The following SENP5 variants were observed in gnomAD, a reference collection of about 807,000 sequenced individuals.
SENP5 encodes SUMO specific peptidase 5.
Under a neutral mutation model 74.2 loss-of-function variants are expected in SENP5, and 21 were observed. The observed-to-expected ratio is 0.28, with a 90% CI of 0.20 to 0.41. The LOEUF (loss-of-function observed/expected upper bound fraction) is 0.41. Among genes scored for constraint, SENP5 ranks in the 10% least tolerant of loss-of-function variants. SENP5 has a pLI of 1.00. For missense variants in SENP5, 717 were observed against 889.1 expected (o/e 0.81, Z 2.46); for synonymous variants, 311 against 312.7 (o/e 0.99, Z 0.06).
intron 6 of SENP5, among the ~76,000 whole-genome samples, chr3:196,913,589 A>T: frequency 6.6e-6 from 1 of 150,444 alleles, no homozygotes; most frequent in Non-Finnish European, 1.5e-5. Flanking sequence ...AACAAAAAAA[A>T]CTAGTAAGAC....
intron 2 of SENP5, among the ~76,000 whole-genome samples, chr3:196,894,898 G>A (rs60110595): frequency 0.22 from 33,649 of 152,160 alleles, 3,840 homozygotes; most frequent in African/African-American, 0.27. Context: ...TTTAGGGACA[G>A]TTGCTTTCAT....
chr3:196,880,965 G>C (rs115403005), intron 1 of SENP5, among the ~76,000 whole-genome samples: 4,275 of 146,476 alleles, frequency 0.029, 210 homozygotes, highest in African/African-American at 0.1. Context: ...TTTTTTTTTT[G>C]AGATAGGACA....
rs1231343422 is a variant in SENP5 at position 196,923,509 on chromosome 3, A to G, written c.1980A>G (p.Ser660=). The change falls in exon 7 of 10, where the codon TCA becomes TCG. Residue 660 remains serine (S), a synonymous_variant. Coordinates refer to ENST00000323460, the MANE Select transcript of SENP5 (RefSeq NM_152699.5). ...ITVTLSNRII[S]FYDSQGIHFK... The stretch of plus-strand genomic sequence containing the variant: ...TGACACTCTCTAATCGAATTATTTC[A>G]TTTTATGATTCCCAAGGCATTCATT... 1 of 1,611,360 alleles carries G rather than the reference A, an allele frequency of 6.2e-7. No individual in the cohort carries two copies. Among genetic ancestry groups the G allele is most frequent in the Admixed American group, 1.7e-5 (1 of 59,882 alleles).
At chr3:196,920,218 A>G (rs926711079) in intron 6 of SENP5, among the ~76,000 whole-genome samples, 2 of 152,020 alleles carry the variant, frequency 1.3e-5, no homozygotes, top group African/African-American at 4.8e-5. Flanking sequence ...CTTTGCATTT[A>G]TTTTTTCTCA....
intron 6 of SENP5, among the ~76,000 whole-genome samples, chr3:196,915,937 G>A (rs962319434): frequency 2.6e-5 from 4 of 152,120 alleles, no homozygotes; most frequent in African/African-American, 9.7e-5. Flanking sequence ...GCCTTCTCAA[G>A]AAGGACAGAT....
chr3:196,926,811 G>T lies in SENP5; in HGVS notation c.2023-985G>T, dbSNP rs530669836. Reference sequence around the variant, plus strand: ...GCACCACCACACCTGGCTAATTTTTGTATTTTTAGTAGAAATGGGGTTTCA... The same window carrying T: ...GCACCACCACACCTGGCTAATTTTTTTATTTTTAGTAGAAATGGGGTTTCA... On this transcript the variant is annotated intron_variant, in intron 7 of 9. Transcript: ENST00000323460. 5.3e-5 allele frequency among the ~76,000 whole-genome samples: 8 copies of T among 151,918 alleles called. No homozygotes were observed. In the South Asian group the frequency reaches 1.7e-3, roughly 32 times the overall value.
chr3:196,912,181 A>G (rs1198847213), intron 6 of SENP5, among the ~76,000 whole-genome samples: 4 of 152,230 alleles, frequency 2.6e-5, no homozygotes, highest in Non-Finnish European at 5.9e-5. Context: ...CCAAATGCCT[A>G]TCAGTGATAG....
At chr3:196,878,894 A>C (rs1365404954) in intron 1 of SENP5, among the ~76,000 whole-genome samples, 1 of 152,110 alleles carries the variant, frequency 6.6e-6, no homozygotes, top group Non-Finnish European at 1.5e-5. Context: ...GCCCGGCCTA[A>C]ATTACCTTTT....
intron 1 of SENP5, among the ~76,000 whole-genome samples, chr3:196,876,632 A>G (rs1434753829): frequency 1.3e-5 from 2 of 151,780 alleles, no homozygotes; most frequent in Admixed American, 6.6e-5. Context: ...GCTCGTGTCT[A>G]TAATCTCAGC....
At chr3:196,917,470 A>G (rs1389120866) in intron 6 of SENP5, among the ~76,000 whole-genome samples, 3 of 152,184 alleles carry the variant, frequency 2.0e-5, no homozygotes, top group East Asian at 3.8e-4. Context: ...AAGGTCCTAG[A>G]ACACCAAGAA....
At chr3:196,926,453 G>T (rs1715815059) in intron 7 of SENP5, among the ~76,000 whole-genome samples, 1 of 146,540 alleles carries the variant, frequency 6.8e-6, no homozygotes, top group Middle Eastern at 3.3e-3. Flanking sequence ...CTACACTCTA[G>T]CCTGGGTAAC....
At chr3:196,872,408 C>T (rs1417433839) in intron 1 of SENP5, among the ~76,000 whole-genome samples, 3 of 152,260 alleles carry the variant, frequency 2.0e-5, no homozygotes, top group African/African-American at 7.2e-5. Flanking sequence ...AAGAAGGGAT[C>T]TCCTACTTGG....
At chr3:196,925,367 C>G (rs1019220616) in intron 7 of SENP5, among the ~76,000 whole-genome samples, 1 of 152,176 alleles carries the variant, frequency 6.6e-6, no homozygotes, top group African/African-American at 2.4e-5. Flanking sequence ...CAGATGTGAG[C>G]GTCTTTTCCA....
intron 1 of SENP5, among the ~76,000 whole-genome samples, chr3:196,878,438 A>T (rs1411795175): frequency 7.9e-5 from 12 of 152,080 alleles, no homozygotes. Context: ...CTTATAGTGG[A>T]AATCTATATG....
intron 2 of SENP5, among the ~76,000 whole-genome samples, chr3:196,899,078 CAAAAA>C (rs10709079): frequency 1.8e-5 from 2 of 108,228 alleles, no homozygotes; most frequent in African/African-American, 6.8e-5. Context: ...GACGCCATCT[CAAAAA>C]AAAAAAAAAA....
chr3:196,898,295 C>G (rs901510333), intron 2 of SENP5, among the ~76,000 whole-genome samples: 2 of 151,544 alleles, frequency 1.3e-5, no homozygotes, highest in African/African-American at 4.8e-5. Flanking sequence ...CTTACATTTA[C>G]CTGAAGACTG....
intron 2 of SENP5, among the ~76,000 whole-genome samples, chr3:196,896,603 C>G (rs1288280907): frequency 1.3e-5 from 2 of 152,288 alleles, no homozygotes; most frequent in East Asian, 3.9e-4. Flanking sequence ...TACAGGCACG[C>G]TAACATGCCC....
At chr3:196,875,453 A>C (rs1048521803) in intron 1 of SENP5, among the ~76,000 whole-genome samples, 2 of 152,174 alleles carry the variant, frequency 1.3e-5, no homozygotes, top group Non-Finnish European at 1.5e-5. Context: ...TTTGTCTTTC[A>C]GTGGCTTCAC....
chr3:196,877,273 C>T (rs1457951630), intron 1 of SENP5, among the ~76,000 whole-genome samples: 1 of 152,090 alleles, frequency 6.6e-6, no homozygotes, highest in Non-Finnish European at 1.5e-5. Context: ...AGCCTCCACT[C>T]CCTGGTTGAA....
Sources: gnomAD v4.1 joint callset for allele counts (sites outside exome capture counted in the v4.1 genomes callset) on GRCh38, gnomAD v4.1.1 for gene constraint, MANE v1.5 for transcripts, NCBI Gene and HGNC (gene_info 2026-07-23, HGNC 2026-07-21) for gene names.